The following CEP57L1 variants were observed in gnomAD, a reference collection of about 807,000 sequenced individuals.
CEP57L1 encodes centrosomal protein 57 like 1.
In CEP57L1, 37 loss-of-function variants were observed where a neutral mutation model predicts 61.0. That is an observed-to-expected ratio of 0.61 (90% CI 0.47 to 0.80). The LOEUF (loss-of-function observed/expected upper bound fraction) is 0.80, where lower values mean the gene tolerates loss of function less well. Among genes scored for constraint, CEP57L1 ranks in the 30% least tolerant of loss-of-function variants. The probability of loss-of-function intolerance (pLI) is 0.00; values close to 1 mark genes in which losing one functional copy is unlikely to be tolerated. For missense variants in CEP57L1, 422 were observed against 524.7 expected, an observed-to-expected ratio of 0.80 and a Z score of 1.91; for synonymous variants, 137 against 162.3, an observed-to-expected ratio of 0.84 and a Z score of 1.19.
At position 109,167,024 on chromosome 6, in the gene CEP57L1, T is replaced by C. The variant is rs1774152310; in HGVS notation, c.*4054T>C. On this transcript the variant is annotated 3_prime_UTR_variant, in exon 11 of 11. Transcript: ENST00000517392. ...CAACTGTGAGATTTTTAAAAAACTA[T>C]GCGTGCCATTGCACCTTTTAATTAA... 6.6e-6 allele frequency among the ~76,000 whole-genome samples: 1 copy of C among 152,226 alleles called. No individual in the cohort carries two copies. The highest frequency in any genetic ancestry group is 1.5e-5 in the Non-Finnish European group (1 of 68,040).
At position 109,168,619 on chromosome 6, in the gene CEP57L1, G is replaced by A. The variant is rs548383923; in HGVS notation, c.*5649G>A. ...TTTTTTTTTTTTTTTTTTTGAGATT[G>A]GAGTCTCGCTCCTTCACCCAGGCTG... On this transcript the variant is annotated 3_prime_UTR_variant, in exon 11 of 11. Transcript: ENST00000517392. Among the ~76,000 whole-genome samples, 173 of 108,368 alleles carry A rather than the reference G, an allele frequency of 1.6e-3. No homozygotes were observed. The highest frequency in any genetic ancestry group is 6.0e-3 in the African/African-American group (162 of 27,196). 71.1% of individuals were successfully genotyped at this position (108,368 alleles called of 152,430 possible). A position where few individuals can be genotyped will look rare whatever the true frequency, so the allele number is the denominator to read the frequency against.
At position 109,155,258 on chromosome 6, in the gene CEP57L1, T is replaced by C; in HGVS notation, c.608T>C (p.Leu203Pro). Residue 203 changes from leucine (L) to proline (P), a missense_variant, in exon 6 of 11, where the codon CTT becomes CCT. Transcript: ENST00000517392. ...AAGATTAAACATTTAGAAGAAAAAC[T>C]TAAGGAAGAAGAACATCAGCGTAAG... Reference protein sequence around the residue: ...EDKIKHLEEKLKEEEHQRKLF... With the variant: ...EDKIKHLEEKPKEEEHQRKLF... 2 of 1,596,492 alleles carry C rather than the reference T, an allele frequency of 1.3e-6. No individual in the cohort carries two copies. The highest frequency in any genetic ancestry group is 1.7e-6 in the Non-Finnish European group (2 of 1,170,190).
chr6:109,128,185 G>C (rs924396366), intron 1 of CEP57L1, among the ~76,000 whole-genome samples: 5 of 152,104 alleles, frequency 3.3e-5, no homozygotes, highest in African/African-American at 9.7e-5. Context: ...GGGCAGTTCT[G>C]TGTCTGTAAG....
At chr6:109,129,302 A>G (rs139826552) in intron 1 of CEP57L1, 4 of 1,036,538 alleles carry the variant, frequency 3.9e-6, no homozygotes, top group Admixed American at 3.8e-5. Flanking sequence ...CATATTTCCT[A>G]GAAAATGGAT....
intron 1 of CEP57L1, among the ~76,000 whole-genome samples, chr6:109,140,917 G>A (rs747148796): frequency 1.1e-4 from 17 of 150,942 alleles, no homozygotes; most frequent in African/African-American, 2.7e-4. Context: ...TGCAAGCTCC[G>A]CCTCCCGGGT....
chr6:109,144,218 C>G (rs1771722755), intron 1 of CEP57L1, among the ~76,000 whole-genome samples: 1 of 152,102 alleles, frequency 6.6e-6, no homozygotes, highest in African/African-American at 2.4e-5. Context: ...GTGAAGTGTG[C>G]CTTCTGCCCT....
intron 1 of CEP57L1, among the ~76,000 whole-genome samples, chr6:109,140,268 G>T (rs562884894): frequency 2.7e-4 from 41 of 151,906 alleles, no homozygotes; most frequent in African/African-American, 7.5e-4. Context: ...CTATTATGAC[G>T]TTAGTAGTTT....
intron 1 of CEP57L1, among the ~76,000 whole-genome samples, chr6:109,136,940 G>A (rs1770807137): frequency 6.6e-6 from 1 of 151,932 alleles, no homozygotes; most frequent in African/African-American, 2.4e-5. Flanking sequence ...TAGTAGAGAT[G>A]GGGTTTCTCC....
intron 1 of CEP57L1, among the ~76,000 whole-genome samples, chr6:109,124,350 T>G (rs1406185405): frequency 6.6e-6 from 1 of 152,188 alleles, no homozygotes; most frequent in African/African-American, 2.4e-5. Flanking sequence ...ACTTTCCAGC[T>G]TTAGTAAATC....
At chr6:109,132,893 G>A (rs914411069) in intron 1 of CEP57L1, among the ~76,000 whole-genome samples, 1 of 152,034 alleles carries the variant, frequency 6.6e-6, no homozygotes, top group Non-Finnish European at 1.5e-5. Flanking sequence ...AGCCACTTAT[G>A]TTTCCTCATT....
At chr6:109,125,325 AT>A (rs1773421010) in intron 1 of CEP57L1, among the ~76,000 whole-genome samples, 1 of 151,968 alleles carries the variant, frequency 6.6e-6, no homozygotes, top group African/African-American at 2.4e-5. Flanking sequence ...AGCTTTAGTT[AT>A]TTATCATTGT....
At chr6:109,136,432 G>A (rs2114800649) in intron 1 of CEP57L1, among the ~76,000 whole-genome samples, 1 of 152,228 alleles carries the variant, frequency 6.6e-6, no homozygotes, top group South Asian at 2.1e-4. Context: ...TGGGTAGAGG[G>A]GAGCGATAGC....
upstream of CEP57L1, chr6:109,095,505 G>C (rs1781578844): frequency 2.0e-6 from 2 of 985,762 alleles, no homozygotes; most frequent in African/African-American, 3.5e-5. Context: ...AGGGGCCACC[G>C]CGACGTTGCC....
Position 109,162,880 on chromosome 6 carries a change from C to G in CEP57L1, c.1293C>G (p.Asn431Lys). The part of the protein sequence containing the change: ...NSPRKCLTDT[N>K]LFQKNSSFHP... ...CCAGAAAATGTTTGACTGACACTAA[C>G]CTTTTTCAGAAAAACAGCAGCTTTC... The change falls in exon 11 of 11, where the codon AAC becomes AAG. Residue 431 changes from asparagine (N) to lysine (K), a missense_variant. Transcript: ENST00000517392. The G allele has an allele frequency of 3.1e-6, 5 of 1,613,158 alleles. No homozygotes were observed. Among genetic ancestry groups the G allele is most frequent in the Non-Finnish European group, 4.2e-6 (5 of 1,179,414 alleles).
chr6:109,143,188 A>G (rs1562113826), intron 1 of CEP57L1, among the ~76,000 whole-genome samples: 1 of 152,160 alleles, frequency 6.6e-6, no homozygotes, highest in African/African-American at 2.4e-5. Flanking sequence ...TAGAACCCAC[A>G]TATGAGTCCA....
chr6:109,128,891 A>T (rs1468277617), intron 1 of CEP57L1, among the ~76,000 whole-genome samples: 6 of 152,136 alleles, frequency 3.9e-5, no homozygotes, highest in Admixed American at 1.3e-4. Context: ...TATATGTAAG[A>T]GTGGAGCACT....
At chr6:109,113,172 G>C (rs1323260032) in intron 1 of CEP57L1, among the ~76,000 whole-genome samples, 1 of 152,120 alleles carries the variant, frequency 6.6e-6, no homozygotes, top group African/African-American at 2.4e-5. Flanking sequence ...CTAAGAACTT[G>C]CTTTATGAAT....
intron 1 of CEP57L1, among the ~76,000 whole-genome samples, chr6:109,121,507 T>C (rs1012153732): frequency 6.6e-6 from 1 of 152,160 alleles, no homozygotes; most frequent in African/African-American, 2.4e-5. Context: ...CTGGATGTAA[T>C]GAAAATATTA....
At chr6:109,135,678 T>G (rs1156983402) in intron 1 of CEP57L1, among the ~76,000 whole-genome samples, 1 of 152,126 alleles carries the variant, frequency 6.6e-6, no homozygotes, top group Non-Finnish European at 1.5e-5. Flanking sequence ...GACAAAGGGC[T>G]AATATCCAGA....
Sources: allele counts gnomAD v4.1 joint callset (sites outside exome capture counted in the v4.1 genomes callset), GRCh38; gene constraint gnomAD v4.1.1; transcripts MANE v1.5; gene names NCBI Gene and HGNC (gene_info 2026-07-23, HGNC 2026-07-21).